Variants in RBMS3 observed in about 807,000 individuals in gnomAD.
The protein encoded by RBMS3 is RNA binding motif single stranded interacting protein 3.
A neutral mutation model predicts 66.8 loss-of-function variants in RBMS3; 27 were observed. The observed-to-expected ratio is 0.40, with a 90% CI of 0.30 to 0.56. The LOEUF (loss-of-function observed/expected upper bound fraction) is 0.56, where lower values mean the gene tolerates loss of function less well. Among genes scored for constraint, RBMS3 ranks in the 20% least tolerant of loss-of-function variants. RBMS3 has a pLI of 0.40. For synonymous variants in RBMS3, 188 were observed against 183.0 expected, an observed-to-expected ratio of 1.03 and a Z score of -0.22; for missense variants, 513 against 549.5, an observed-to-expected ratio of 0.93 and a Z score of 0.66.
chr3:29,348,989 A>T (rs1409444695), intron 1 of RBMS3, among the ~76,000 whole-genome samples: 1 of 152,094 alleles, frequency 6.6e-6, no homozygotes, highest in Non-Finnish European at 1.5e-5. Context: ...TGCTAGTGTC[A>T]AAGTGAGAGG....
Position 29,491,684 on chromosome 3 carries a change from G to A in RBMS3, c.307+3185G>A, listed in dbSNP as rs1489762357. 2.0e-5 allele frequency among the ~76,000 whole-genome samples: 3 copies of A among 152,266 alleles called. No individual in the cohort carries two copies. The East Asian group carries it at 5.8e-4, about 29-fold the overall frequency. ...GCCTAGGAAAATCACTTAAAGAAAG[G>A]CATCTGTAAGAAATTGGACAGCGGT... is the stretch of plus-strand genomic sequence containing the variant. On this transcript the variant is annotated intron_variant, in intron 3 of 14. Transcript: ENST00000383767.
chr3:29,571,430 C>G (rs1262992814), intron 3 of RBMS3, among the ~76,000 whole-genome samples: 2 of 151,994 alleles, frequency 1.3e-5, no homozygotes, highest in African/African-American at 4.8e-5. Context: ...GTCTTTAATC[C>G]ATTTTGATAT....
chr3:29,771,335 C>T (rs2056189569), intron 6 of RBMS3, among the ~76,000 whole-genome samples: 1 of 152,032 alleles, frequency 6.6e-6, no homozygotes, highest in Non-Finnish European at 1.5e-5. Context: ...CTTCCTTAAA[C>T]AATTCAAACC....
At chr3:29,394,161 T>C (rs554028075) in intron 1 of RBMS3, among the ~76,000 whole-genome samples, 1 of 152,242 alleles carries the variant, frequency 6.6e-6, no homozygotes, top group African/African-American at 2.4e-5. Context: ...AGAGCAGCCA[T>C]TTAGAGACTG....
intron 2 of RBMS3, among the ~76,000 whole-genome samples, chr3:29,439,924 G>A (rs977676527): frequency 6.6e-6 from 1 of 152,122 alleles, no homozygotes; most frequent in African/African-American, 2.4e-5. Context: ...CAGAACACTT[G>A]GATCATATAT....
intron 2 of RBMS3, among the ~76,000 whole-genome samples, chr3:29,458,452 A>G (rs1023518407): frequency 5.3e-5 from 8 of 152,162 alleles, no homozygotes; most frequent in Admixed American, 4.6e-4. Flanking sequence ...CAAAATTTTA[A>G]GATACTCCAG....
chr3:29,934,871 C>T (rs1034573016), intron 10 of RBMS3, among the ~76,000 whole-genome samples: 3 of 151,800 alleles, frequency 2.0e-5, no homozygotes, highest in East Asian at 1.9e-4. Context: ...AGTTGAATTT[C>T]GATAATACCA....
intron 4 of RBMS3, among the ~76,000 whole-genome samples, chr3:29,665,046 C>G (rs2050699893): frequency 6.6e-6 from 1 of 152,114 alleles, no homozygotes; most frequent in Non-Finnish European, 1.5e-5. Flanking sequence ...AAATAACATT[C>G]TAGCTTTCTA....
intron 1 of RBMS3, among the ~76,000 whole-genome samples, chr3:29,285,259 G>T (rs1215350942): frequency 8.1e-6 from 1 of 123,572 alleles, no homozygotes; most frequent in African/African-American, 2.9e-5. Context: ...GTGGTGGTGG[G>T]GAGTAGGTGG....
chr3:29,422,196 A>T (rs1178323658), intron 1 of RBMS3, among the ~76,000 whole-genome samples: 2 of 152,222 alleles, frequency 1.3e-5, no homozygotes, highest in Non-Finnish European at 2.9e-5. Flanking sequence ...GTCCTTAGAC[A>T]CTATACAATG....
chr3:29,445,588 A>AG (rs2041801235), intron 2 of RBMS3, among the ~76,000 whole-genome samples: 1 of 152,010 alleles, frequency 6.6e-6, no homozygotes, highest in Non-Finnish European at 1.5e-5. Flanking sequence ...TTTGACTTTT[A>AG]GGGGCACACA....
chr3:29,972,666 G>A (rs1697303778), intron 12 of RBMS3, among the ~76,000 whole-genome samples: 1 of 152,076 alleles, frequency 6.6e-6, no homozygotes, highest in Non-Finnish European at 1.5e-5. Context: ...CTCTTGTTTA[G>A]TTGCATCATT....
intron 4 of RBMS3, among the ~76,000 whole-genome samples, chr3:29,737,227 G>A (rs558350920): frequency 3.9e-5 from 6 of 152,140 alleles, no homozygotes; most frequent in Middle Eastern, 3.4e-3. Context: ...CACCCGCCTC[G>A]GCCTCCCAAA....
At chr3:29,869,532 G>T (rs2059440255) in intron 7 of RBMS3, among the ~76,000 whole-genome samples, 1 of 152,074 alleles carries the variant, frequency 6.6e-6, no homozygotes, top group East Asian at 1.9e-4. Flanking sequence ...AGGGAGAAAA[G>T]TTGATACATA....
intron 6 of RBMS3, among the ~76,000 whole-genome samples, chr3:29,854,814 A>T (rs563339532): frequency 1.3e-5 from 2 of 152,288 alleles, no homozygotes; most frequent in South Asian, 4.1e-4. Context: ...CATAATTCAT[A>T]TAAAAAGAAA....
At chr3:29,870,265 C>T (rs2059458029) in intron 7 of RBMS3, among the ~76,000 whole-genome samples, 1 of 152,086 alleles carries the variant, frequency 6.6e-6, no homozygotes, top group African/African-American at 2.4e-5. Context: ...CCTCAGAAGA[C>T]AACTGATGCC....
intron 1 of RBMS3, among the ~76,000 whole-genome samples, chr3:29,408,293 GGAA>G (rs1307963867): frequency 7.0e-6 from 1 of 143,448 alleles, no homozygotes; most frequent in Admixed American, 6.9e-5. Context: ...AAAAAAAAAA[GGAA>G]GTAGGAAAAT....
At position 29,937,847 on chromosome 3, in the gene RBMS3, C is replaced by T. The variant is rs374338190; in HGVS notation, c.1050+1651C>T. On this transcript the variant is annotated intron_variant, in intron 11 of 14. Transcript: ENST00000383767. Reference sequence around the variant, plus strand: ...AATAAGCAGGTCCTAGGAATAGTATCAGAAGGCCTGCAGTTTCTTATTTTT... The same window carrying T: ...AATAAGCAGGTCCTAGGAATAGTATTAGAAGGCCTGCAGTTTCTTATTTTT... Among the ~76,000 whole-genome samples, 30 of 151,986 alleles carry T rather than the reference C, an allele frequency of 2.0e-4. No individual in the cohort carries two copies. The East Asian group carries it at 4.7e-3, about 24-fold the overall frequency.
chr3:29,745,280 T>C (rs1020913814), intron 5 of RBMS3, among the ~76,000 whole-genome samples: 3 of 151,910 alleles, frequency 2.0e-5, no homozygotes, highest in Non-Finnish European at 4.4e-5. Context: ...CTTAAAACAA[T>C]TTTGTAAGAT....
Sources: gnomAD v4.1 joint callset for allele counts (sites outside exome capture counted in the v4.1 genomes callset) on GRCh38, gnomAD v4.1.1 for gene constraint, MANE v1.5 for transcripts, NCBI Gene and HGNC (gene_info 2026-07-23, HGNC 2026-07-21) for gene names.